Variants in PKHD1L1 observed in about 807,000 individuals in gnomAD.
PKHD1L1 encodes the protein fibrocystin-L.
Under a neutral mutation model 462.9 loss-of-function variants are expected in PKHD1L1, and 434 were observed. The ratio of observed to expected loss-of-function variants is 0.94; its 90% confidence interval spans 0.87 to 1.02. The LOEUF (loss-of-function observed/expected upper bound fraction) is 1.02. PKHD1L1 is among the 50% of genes least tolerant of loss of function. The pLI is 0.00. For missense variants in PKHD1L1, 5,202 were observed against 5,096.1 expected, an observed-to-expected ratio of 1.02 and a Z score of -0.63; for synonymous variants, 1,781 against 1,750.0, an observed-to-expected ratio of 1.02 and a Z score of -0.44.
chr8:109,404,432 C>A, intron 14 of PKHD1L1, 122 bp from the exon 15 acceptor site: 1 of 556,728 alleles, frequency 1.8e-6, no homozygotes, highest in Non-Finnish European at 2.8e-6. Context: ...ATATGAGATA[C>A]TACAATATAA....
In PKHD1L1 at chr8:109,405,110, T is replaced by C. The variant is rs1318810075; in HGVS notation, c.1649T>C (p.Ile550Thr). 6.7e-7 allele frequency: 1 copy of C among 1,490,568 alleles called. No individual in the cohort carries two copies. The highest frequency in any genetic ancestry group is 9.2e-7 in the Non-Finnish European group (1 of 1,092,844). The allele number at this position is 1,490,568 out of a possible 1,614,324, so 92.3% of individuals were successfully genotyped here. ...TGTTCACTTTACCAATATAGATTAA[T>C]CTATAATATGGAAAAAACTGGTAAG... ...NSCSLYQYRL[I>T]YNMEKTVFLP... Residue 550 changes from isoleucine to threonine, a missense_variant, in exon 16 of 78, where the codon ATC becomes ACC. Transcript: ENST00000378402.
intron 62 of PKHD1L1, among the ~76,000 whole-genome samples, chr8:109,492,436 T>A (rs578028447): frequency 1.4e-4 from 22 of 151,956 alleles, no homozygotes; most frequent in African/African-American, 3.9e-4. Flanking sequence ...AGGTGTTTGT[T>A]GAGATATAGA....
chr8:109,412,216 A>G, intron 19 of PKHD1L1, 49 bp from the exon 20 acceptor site: 1 of 1,601,104 alleles, frequency 6.2e-7, no homozygotes, highest in Non-Finnish European at 8.5e-7. Flanking sequence ...TTGGGGGAAA[A>G]CCAGAACAAT....
intron 27 of PKHD1L1, among the ~76,000 whole-genome samples, chr8:109,430,437 G>A (rs369186543): frequency 6.6e-6 from 1 of 152,070 alleles, no homozygotes; most frequent in African/African-American, 2.4e-5. Flanking sequence ...AGTATTAAAA[G>A]GCTAGTAACA....
chr8:109,363,834 A>G (rs1444489217), intron 1 of PKHD1L1, among the ~76,000 whole-genome samples: 1 of 152,188 alleles, frequency 6.6e-6, no homozygotes, highest in East Asian at 1.9e-4. Context: ...AGTGTGACAC[A>G]AGCAGCGTGG....
At chr8:109,378,272 T>C (rs890690451) in intron 2 of PKHD1L1, among the ~76,000 whole-genome samples, 4 of 152,210 alleles carry the variant, frequency 2.6e-5, no homozygotes, top group African/African-American at 9.7e-5. Flanking sequence ...CCCTATTCTA[T>C]TCTCAGAACA....
chr8:109,402,769 C>A (rs1295677546), intron 14 of PKHD1L1, among the ~76,000 whole-genome samples: 1 of 152,096 alleles, frequency 6.6e-6, no homozygotes, highest in Non-Finnish European at 1.5e-5. Context: ...TGCTCAGAGG[C>A]AGCATCATGA....
intron 31 of PKHD1L1, 23 bp downstream of exon 31, chr8:109,438,479 T>C (rs1815569214): frequency 6.6e-7 from 1 of 1,524,392 alleles, no homozygotes; most frequent in Non-Finnish European, 8.8e-7. Flanking sequence ...TCAATAAGAT[T>C]GGTCATTTGT....
At chr8:109,513,842 T>C (rs1383661505) in intron 71 of PKHD1L1, among the ~76,000 whole-genome samples, 1 of 152,116 alleles carries the variant, frequency 6.6e-6, no homozygotes, top group Non-Finnish European at 1.5e-5. Context: ...ACTGCTACTA[T>C]CCAGTTTGAG....
chr8:109,423,990 T>TATCTTG (rs1814610758), intron 23 of PKHD1L1, among the ~76,000 whole-genome samples: 1 of 152,176 alleles, frequency 6.6e-6, no homozygotes, highest in Non-Finnish European at 1.5e-5. Flanking sequence ...TTTTGTGTCT[T>TATCTTG]TATCTTGTAT....
rs1020420762 is a variant in PKHD1L1 at position 109,536,712 on chromosome 8, A to C, written c.*6622A>C. On this transcript the variant is annotated 3_prime_UTR_variant, in exon 78 of 78. Coordinates refer to ENST00000378402, the MANE Select transcript of PKHD1L1 (RefSeq NM_177531.6). The stretch of plus-strand genomic sequence containing the variant: ...GTATTATTTTTCTTGATTTCTAACC[A>C]GGCCCCTTCTGAAGAAAACTGGTTA... Among the ~76,000 whole-genome samples the C allele has an allele frequency of 5.3e-5, 8 of 152,212 alleles. No homozygotes were observed. The highest frequency in any genetic ancestry group is 1.9e-4 in the African/African-American group (8 of 41,464).
Position 109,445,152 on chromosome 8 carries a change from A to G in PKHD1L1, c.5283A>G (p.Gly1761=). The G allele has an allele frequency of 6.2e-7, 1 of 1,613,910 alleles. No individual in the cohort carries two copies. The highest frequency in any genetic ancestry group is 8.5e-7 in the Non-Finnish European group (1 of 1,179,874). ...ITGVFPNSVI[G]SVKVLIEGEG... ...GAGTCTTCCCAAACTCTGTCATAGG[A>G]TCTGTAAAAGTTCTTATTGAAGGAG... Residue 1761 remains glycine, a synonymous_variant, in exon 38 of 78, where the codon GGA becomes GGG. Transcript: ENST00000378402.
chr8:109,503,315 C>CAA (rs35157030), intron 67 of PKHD1L1, among the ~76,000 whole-genome samples: 23 of 132,656 alleles, frequency 1.7e-4, no homozygotes, highest in African/African-American at 5.6e-4. Flanking sequence ...CAAAAACAAA[C>CAA]AAAAAAAAAA....
chr8:109,485,955 G>T (rs1373754190), intron 58 of PKHD1L1, among the ~76,000 whole-genome samples: 1 of 151,922 alleles, frequency 6.6e-6, no homozygotes, highest in Non-Finnish European at 1.5e-5. Flanking sequence ...TTGTAAAACA[G>T]TTGGTTTTTG....
In PKHD1L1 at chr8:109,464,917, G is replaced by A; in HGVS notation, c.8085G>A (p.Gly2695=). 6.2e-7 allele frequency: 1 copy of A among 1,613,852 alleles called. No individual in the cohort carries two copies. Among genetic ancestry groups the A allele is most frequent in the Non-Finnish European group, 8.5e-7 (1 of 1,179,812 alleles). Reference sequence around the variant, plus strand: ...GGATCCTGGCTCCTTATGTTGGAGGGTGGGGTGAAACCAATGGAGCGGTGA... The same window carrying A: ...GGATCCTGGCTCCTTATGTTGGAGGATGGGGTGAAACCAATGGAGCGGTGA... ...TKRILAPYVG[G]WGETNGAVIK... The change falls in exon 49 of 78, where the codon GGG becomes GGA. Residue 2695 remains glycine, a synonymous_variant. Coordinates refer to ENST00000378402, the MANE Select transcript of PKHD1L1 (RefSeq NM_177531.6).
At chr8:109,479,688 A>G in intron 54 of PKHD1L1, 49 bp downstream of exon 54, 2 of 1,231,398 alleles carry the variant, frequency 1.6e-6, no homozygotes, top group Non-Finnish European at 1.2e-6. Context: ...CTGCAATATT[A>G]ACACTATGGC....
At position 109,518,292 on chromosome 8, in the gene PKHD1L1, T is replaced by C. The variant is rs760677348; in HGVS notation, c.11815T>C (p.Phe3939Leu). 9 of 1,612,242 alleles carry C rather than the reference T, an allele frequency of 5.6e-6. No homozygotes were observed. The East Asian group carries it at 1.8e-4, about 32-fold the overall frequency. Residue 3939 changes from phenylalanine (F) to leucine (L), a missense_variant, in exon 73 of 78, where the codon TTT becomes CTT. This residue lies in a region of PKHD1L1 where 698 missense variants were observed against 736.3 expected (regional missense o/e 0.95). Coordinates refer to ENST00000378402, the MANE Select transcript of PKHD1L1 (RefSeq NM_177531.6). ...PVEIHTATVI[F>L]VSFQLSVATE... ...TGAAATTCACACTGCCACAGTGATATTTGTTTCTTTCCAATTATCTGTTGC... is the reference window on the plus strand; with the variant it reads ...TGAAATTCACACTGCCACAGTGATACTTGTTTCTTTCCAATTATCTGTTGC...
At position 109,464,879 on chromosome 8, in the gene PKHD1L1, A is replaced by G; in HGVS notation, c.8047A>G (p.Ile2683Val). ...FVMVNNYEAG[I>V]ETKRILAPYV... The stretch of plus-strand genomic sequence containing the variant: ...GATGGTGAATAACTATGAGGCTGGA[A>G]TTGAGACTAAGAGGATCCTGGCTCC... Residue 2683 changes from isoleucine (I) to valine (V), a missense_variant, in exon 49 of 78, where the codon ATT (isoleucine) becomes GTT (valine). Physicochemically the swap from Ile to Val is conservative, Grantham distance 29. This residue lies in a region of PKHD1L1 where 4,497 missense variants were observed against 4,336.8 expected (regional missense o/e 1.04). Coordinates refer to ENST00000378402, the MANE Select transcript of PKHD1L1 (RefSeq NM_177531.6). 6.2e-7 allele frequency: 1 copy of G among 1,613,832 alleles called. No individual in the cohort carries two copies. The highest frequency in any genetic ancestry group is 8.5e-7 in the Non-Finnish European group (1 of 1,179,800).
At chr8:109,455,187 A>G (rs150411857) in intron 45 of PKHD1L1, among the ~76,000 whole-genome samples, 211 of 152,276 alleles carry the variant, frequency 1.4e-3, no homozygotes, top group African/African-American at 4.9e-3. Flanking sequence ...AAAATACAAA[A>G]TTTAGCCAGG....
Sources: gnomAD v4.1 joint callset for allele counts (sites outside exome capture counted in the v4.1 genomes callset) on GRCh38, gnomAD v4.1.1 for gene constraint, gnomAD v4.1.1 regional missense constraint, MANE v1.5 for transcripts, NCBI Gene and HGNC (gene_info 2026-07-23, HGNC 2026-07-21) for gene names.